Variants in ATRAID observed in about 807,000 individuals in gnomAD.
ATRAID encodes all-trans retinoic acid-induced differentiation factor.
ATRAID carries 26 observed loss-of-function variants against 28.8 expected under a neutral mutation model. The ratio of observed to expected loss-of-function variants is 0.90; its 90% confidence interval spans 0.66 to 1.25. The LOEUF (loss-of-function observed/expected upper bound fraction) is 1.25, where lower values mean the gene tolerates loss of function less well. ATRAID is among the 50% of genes most tolerant of loss of function. The pLI, the probability that ATRAID is intolerant of heterozygous loss-of-function variation, is 0.00. For missense variants in ATRAID, 308 were observed against 285.9 expected, an observed-to-expected ratio of 1.08 and a Z score of -0.56; for synonymous variants, 131 against 108.5, an observed-to-expected ratio of 1.21 and a Z score of -1.29.
At chr2:27,215,841 C>A in intron 5 of ATRAID, 88 bp downstream of exon 5, 2 of 1,527,956 alleles carry the variant, frequency 1.3e-6, no homozygotes, top group Non-Finnish European at 8.9e-7. Flanking sequence ...GTTGCTTAAG[C>A]GCCTTTCATT....
chr2:27,217,179 G>C, downstream of ATRAID: 1 of 527,614 alleles, frequency 1.9e-6, no homozygotes, highest in Non-Finnish European at 3.3e-6. Flanking sequence ...TTCTTTTTAA[G>C]GAAAGGCGCC....
At position 27,212,347 on chromosome 2, in the gene ATRAID, C is replaced by T; in HGVS notation, c.-22C>T. ...CCGCGGGGCCGGGTCGCGCGAGCAG[C>T]GGAGCACCAAGGGAACGGAAAATGG... is the stretch of plus-strand genomic sequence containing the variant. On this transcript the variant is annotated 5_prime_UTR_variant, in exon 1 of 7. Coordinates refer to ENST00000380171, the MANE Select transcript of ATRAID (RefSeq NM_001170795.4). The T allele has an allele frequency of 1.9e-6, 3 of 1,549,982 alleles. No individual in the cohort carries two copies. The highest frequency in any genetic ancestry group is 2.4e-5 in the East Asian group (1 of 40,974).
intron 1 of ATRAID, 141 bp downstream of exon 1, chr2:27,212,608 G>C: frequency 7.0e-7 from 1 of 1,433,240 alleles, no homozygotes; most frequent in South Asian, 1.5e-5. Context: ...GCCCAGCCAG[G>C]TCCTGTTCCC....
chr2:27,216,386 C>T, intron 5 of ATRAID, 137 bp from the exon 6 acceptor site: 1 of 745,018 alleles, frequency 1.3e-6, no homozygotes, highest in Non-Finnish European at 2.3e-6. Context: ...ATTATTGTTA[C>T]TGTTTTTATC....
chr2:27,214,780 A>G (rs994069456), intron 2 of ATRAID, among the ~76,000 whole-genome samples: 10 of 152,204 alleles, frequency 6.6e-5, no homozygotes, highest in Non-Finnish European at 1.5e-4. Flanking sequence ...TGAACCCGGG[A>G]GATGGAGGTT....
rs919368775 is a variant in ATRAID at position 27,212,209 on chromosome 2, G to A, written c.-160G>A. 1 of 1,556,828 alleles carries A rather than the reference G, an allele frequency of 6.4e-7. No homozygotes were observed. The highest frequency in any genetic ancestry group is 8.7e-7 in the Non-Finnish European group (1 of 1,150,770). ...CCGAAAGAGGGCTAGGGCGCATGAA[G>A]ACCAGCGCAGAGCTCCACGAGCAGG... On this transcript the variant is annotated 5_prime_UTR_variant, in exon 1 of 7. Coordinates refer to ENST00000380171, the MANE Select transcript of ATRAID (RefSeq NM_001170795.4).
At chr2:27,213,796 C>A (rs1674715655) in intron 2 of ATRAID, among the ~76,000 whole-genome samples, 1 of 152,198 alleles carries the variant, frequency 6.6e-6, no homozygotes, top group Admixed American at 6.5e-5. Context: ...TTTGCCTGCC[C>A]TCAAAGGCAT....
intron 1 of ATRAID, 156 bp downstream of exon 1, chr2:27,212,623 A>T: frequency 7.1e-7 from 1 of 1,414,420 alleles, no homozygotes; most frequent in Non-Finnish European, 9.2e-7. Flanking sequence ...GTTCCCAAGT[A>T]CTCACGTCGT....
chr2:27,213,944 ATTAT>A (rs1267277336), intron 2 of ATRAID, among the ~76,000 whole-genome samples: 2 of 152,018 alleles, frequency 1.3e-5, no homozygotes, highest in Non-Finnish European at 2.9e-5. Flanking sequence ...TTTTTAAATT[ATTAT>A]TTATTTATTT....
chr2:27,214,489 AAC>A (rs1184604416), intron 2 of ATRAID, among the ~76,000 whole-genome samples: 1 of 152,188 alleles, frequency 6.6e-6, no homozygotes, highest in Non-Finnish European at 1.5e-5. Context: ...GTAGACAAGA[AAC>A]ACAGATTTCT....
At chr2:27,212,711 C>T (rs928548142) in intron 1 of ATRAID, 2 of 1,240,388 alleles carry the variant, frequency 1.6e-6, no homozygotes, top group African/African-American at 3.1e-5. Flanking sequence ...TTTAGAATAA[C>T]TTTAAGTTCT....
chr2:27,215,296 T>C lies in ATRAID; in HGVS notation c.222-25T>C. 1.9e-6 allele frequency: 3 copies of C among 1,610,034 alleles called. No individual in the cohort carries two copies. The South Asian group carries it at 3.3e-5, about 18-fold the overall frequency. On this transcript the variant is annotated intron_variant, in intron 2 of 6. Coordinates refer to ENST00000380171, the MANE Select transcript of ATRAID (RefSeq NM_001170795.4). ...CTGAAGAAAAAGAGGAACACACAGT[T>C]ATATTGATTACTTTATTTCCTCAGG...
At chr2:27,212,992 T>C (rs937742621) in intron 1 of ATRAID, 185 bp from the exon 2 acceptor site, 4 of 699,490 alleles carry the variant, frequency 5.7e-6, no homozygotes, top group African/African-American at 1.8e-5. Context: ...CGCAGGACTC[T>C]GGAGGAAGAG....
chr2:27,215,844 C>G, intron 5 of ATRAID, 91 bp downstream of exon 5: 9 of 1,506,358 alleles, frequency 6.0e-6, no homozygotes, highest in Non-Finnish European at 8.1e-6. Context: ...GCTTAAGCGC[C>G]TTTCATTCAG....
rs761451378 is a variant in ATRAID, at chr2:27,216,925, C to T, written c.667C>T (p.Arg223Cys). The T allele has an allele frequency of 8.1e-6, 13 of 1,613,546 alleles. No individual in the cohort carries two copies. Among genetic ancestry groups the T allele is most frequent in the Admixed American group, 1.7e-5 (1 of 60,000 alleles). Residue 223 changes from arginine (R) to cysteine (C), a missense_variant, in exon 7 of 7, where the codon CGC (arginine) becomes TGC (cysteine). Transcript: ENST00000380171. ...SVSILLWATQ[R>C]RKAKTS ...CTCCATTCTGCTTTGGGCGACCCAG[C>T]GCCGAAAAGCCAAGACTTCATGAAC...
chr2:27,216,996 G>A lies in ATRAID; in HGVS notation c.*48G>A. On this transcript the variant is annotated 3_prime_UTR_variant, in exon 7 of 7. Coordinates refer to ENST00000380171, the MANE Select transcript of ATRAID (RefSeq NM_001170795.4). ...CCTAAGATCAATCTGAACTATCTTAGCCCAGTCAGGGAGCTCTGCTTCCTA... is the reference window on the plus strand; with the variant it reads ...CCTAAGATCAATCTGAACTATCTTAACCCAGTCAGGGAGCTCTGCTTCCTA... 1 of 1,491,984 alleles carries A rather than the reference G, an allele frequency of 6.7e-7. No homozygotes were observed. 92.4% of individuals were successfully genotyped at this position (1,491,984 alleles called of 1,614,324 possible).
rs1674877811 is a variant in ATRAID, at chr2:27,217,041, T to A, written c.*93T>A. 2.5e-5 allele frequency: 28 copies of A among 1,141,826 alleles called. No homozygotes were observed. Among genetic ancestry groups the A allele is most frequent in the Non-Finnish European group, 3.3e-5 (27 of 809,744 alleles). 70.7% of individuals were successfully genotyped at this position (1,141,826 alleles called of 1,614,324 possible). A position where few individuals can be genotyped will look rare whatever the true frequency, so the allele number is the denominator to read the frequency against. ...TTCCTAGAAAGGCATCTTTCGCCAG[T>A]GGATTCGCCTCAAGGTTGAGGCCGC... On this transcript the variant is annotated 3_prime_UTR_variant, in exon 7 of 7. Coordinates refer to ENST00000380171, the MANE Select transcript of ATRAID (RefSeq NM_001170795.4).
chr2:27,215,001 A>G (rs1261962215), intron 2 of ATRAID, among the ~76,000 whole-genome samples: 1 of 152,126 alleles, frequency 6.6e-6, no homozygotes, highest in Non-Finnish European at 1.5e-5. Flanking sequence ...TCTCATTCAT[A>G]TTGCCCAGGC....
intron 2 of ATRAID, 32 bp downstream of exon 2, chr2:27,213,330 C>T (rs1558520033): frequency 6.3e-7 from 1 of 1,599,502 alleles, no homozygotes; most frequent in Admixed American, 1.7e-5. Context: ...ATGCTGGATA[C>T]AGGCCATTCC....
Sources: gnomAD v4.1 joint callset for allele counts (sites outside exome capture counted in the v4.1 genomes callset) on GRCh38, gnomAD v4.1.1 for gene constraint, MANE v1.5 for transcripts, NCBI Gene and HGNC (gene_info 2026-07-23, HGNC 2026-07-21) for gene names.